MZT1: variants seen among roughly 807,000 people sequenced by gnomAD.
MZT1 encodes mitotic-spindle organizing protein 1.
A neutral mutation model predicts 8.5 loss-of-function variants in MZT1; 8 were observed. That is an observed-to-expected ratio of 0.94 (90% CI 0.55 to 1.70). MZT1 has a LOEUF of 1.70. Among genes scored for constraint, MZT1 ranks in the 40% most tolerant of loss-of-function variants. MZT1 has a pLI of 0.00. For synonymous variants in MZT1, 38 were observed against 42.0 expected, an observed-to-expected ratio of 0.90 and a Z score of 0.37; for missense variants, 93 against 108.6, an observed-to-expected ratio of 0.86 and a Z score of 0.64.
Position 72,708,622 on chromosome 13 carries a change from T to C in MZT1, c.*1700A>G, listed in dbSNP as rs1173761893. 1.3e-5 allele frequency: 2 copies of C among 152,402 alleles called. No individual in the cohort carries two copies. Among genetic ancestry groups the C allele is most frequent in the Non-Finnish European group, 1.5e-5 (1 of 68,014 alleles). 9.4% of individuals were successfully genotyped at this position (152,402 alleles called of 1,614,324 possible). On this transcript the variant is annotated 3_prime_UTR_variant, in exon 3 of 3. Transcript: ENST00000377818. ...TATCAACTCTTATGGCCTGGAAGTA[T>C]ATACAAATTTTGGAGTCTGACAAAA... is the stretch of plus-strand genomic sequence containing the variant.
intron 1 of MZT1, among the ~76,000 whole-genome samples, chr13:72,724,747 T>TAG (rs2032627275): frequency 1.4e-5 from 1 of 73,616 alleles, no homozygotes; most frequent in Non-Finnish European, 3.2e-5. Flanking sequence ...TATACACATA[T>TAG]ATATATGTAA....
chr13:72,724,752 A>ATATGTGTGTGTGTGTGTGTG (rs1180726488), intron 1 of MZT1, among the ~76,000 whole-genome samples: 1 of 56,856 alleles, frequency 1.8e-5, no homozygotes, highest in African/African-American at 5.0e-5. Context: ...ACATATATAT[A>ATATGTGTGTGTGTGTGTGTG]TGTAAAGTGG....
chr13:72,709,199 A>T lies in MZT1; in HGVS notation c.*1123T>A, dbSNP rs572315544. 1.8e-3 allele frequency: 275 copies of T among 152,070 alleles called. No individual in the cohort carries two copies. Among genetic ancestry groups the T allele is most frequent in the African/African-American group, 6.2e-3 (256 of 41,554 alleles). 9.4% of individuals were successfully genotyped at this position (152,070 alleles called of 1,614,324 possible). A position where few individuals can be genotyped will look rare whatever the true frequency, so the allele number is the denominator to read the frequency against. On this transcript the variant is annotated 3_prime_UTR_variant, in exon 3 of 3. Coordinates refer to ENST00000377818, the MANE Select transcript of MZT1 (RefSeq NM_001071775.3). ...CATCAAGATGTTAAAAAGGTTTTTT[A>T]AAAAAAGCCATACTTGAGATTCCTA...
intron 2 of MZT1, among the ~76,000 whole-genome samples, chr13:72,710,626 C>A (rs2032479874): frequency 6.6e-6 from 1 of 152,112 alleles, no homozygotes; most frequent in Non-Finnish European, 1.5e-5. Context: ...AAACATTAAC[C>A]TATGGCAGAC....
At chr13:72,719,184 C>G (rs2032570520) in intron 1 of MZT1, 87 bp from the exon 2 acceptor site, 1 of 1,027,642 alleles carries the variant, frequency 9.7e-7, no homozygotes, top group South Asian at 2.7e-5. Flanking sequence ...TTATATATCA[C>G]TGCACAATAC....
chr13:72,723,744 T>C (rs1405342631), intron 1 of MZT1, among the ~76,000 whole-genome samples: 2 of 152,250 alleles, frequency 1.3e-5, no homozygotes, highest in East Asian at 1.9e-4. Flanking sequence ...ATGCTACTGC[T>C]GCAAATACAG....
At chr13:72,720,582 C>A (rs1359183053) in intron 1 of MZT1, among the ~76,000 whole-genome samples, 1 of 152,122 alleles carries the variant, frequency 6.6e-6, no homozygotes, top group South Asian at 2.1e-4. Context: ...CAGATATTCA[C>A]TTTCATCCCT....
intron 2 of MZT1, among the ~76,000 whole-genome samples, chr13:72,718,252 G>A (rs1295858114): frequency 6.6e-6 from 1 of 151,978 alleles, no homozygotes; most frequent in Non-Finnish European, 1.5e-5. Context: ...CTCTTCTAAG[G>A]CCACCAATTA....
rs2032461691 is a variant in MZT1, at chr13:72,709,088, A to T, written c.*1234T>A. ...TCTACATTTTCTAAAATTTATTTCTAATCTTCACTTTGATGAGTTAAAATT... is the reference window on the plus strand; with the variant it reads ...TCTACATTTTCTAAAATTTATTTCTTATCTTCACTTTGATGAGTTAAAATT... On this transcript the variant is annotated 3_prime_UTR_variant, in exon 3 of 3. Transcript: ENST00000377818. The T allele has an allele frequency of 6.6e-6, 1 of 152,088 alleles. No homozygotes were observed. The highest frequency in any genetic ancestry group is 1.5e-5 in the Non-Finnish European group (1 of 67,946). The allele number at this position is 152,088 out of a possible 1,614,324, so 9.4% of individuals were successfully genotyped here. A position where few individuals can be genotyped will look rare whatever the true frequency, so the allele number is the denominator to read the frequency against.
intron 2 of MZT1, among the ~76,000 whole-genome samples, chr13:72,712,434 G>T (rs182656116): frequency 6.6e-6 from 1 of 152,194 alleles, no homozygotes; most frequent in Admixed American, 6.5e-5. Context: ...TATTACAGGC[G>T]TGAGCCAGCA....
Position 72,709,465 on chromosome 13 carries a change from G to T in MZT1, c.*857C>A, listed in dbSNP as rs2032465487. 6.6e-6 allele frequency: 1 copy of T among 151,908 alleles called. No individual in the cohort carries two copies. Among genetic ancestry groups the T allele is most frequent in the Non-Finnish European group, 1.5e-5 (1 of 67,902 alleles). The allele number at this position is 151,908 out of a possible 1,614,324, so 9.4% of individuals were successfully genotyped here. ...AGGTAAGCACTAAAATTACTTTTAT[G>T]TAATAAAAGTAAATAGGAATTTTGC... On this transcript the variant is annotated 3_prime_UTR_variant, in exon 3 of 3. Transcript: ENST00000377818.
At position 72,710,276 on chromosome 13, in the gene MZT1, C is replaced by A; in HGVS notation, c.*46G>T. On this transcript the variant is annotated 3_prime_UTR_variant, in exon 3 of 3. Transcript: ENST00000377818. ...TCTCAACTACAATGCAATCTTCAAA[C>A]CCTCTTGCAGAGCTTGACATATCTC... 1.2e-6 allele frequency: 2 copies of A among 1,602,118 alleles called. No individual in the cohort carries two copies. Among genetic ancestry groups the A allele is most frequent in the Non-Finnish European group, 1.7e-6 (2 of 1,170,314 alleles).
intron 2 of MZT1, among the ~76,000 whole-genome samples, chr13:72,711,515 G>A (rs1412404012): frequency 6.6e-6 from 1 of 151,908 alleles, no homozygotes; most frequent in Non-Finnish European, 1.5e-5. Flanking sequence ...AAAGAAAAAA[G>A]GAATGTCTCA....
At chr13:72,722,476 T>C (rs2032601011) in intron 1 of MZT1, among the ~76,000 whole-genome samples, 1 of 152,216 alleles carries the variant, frequency 6.6e-6, no homozygotes, top group Non-Finnish European at 1.5e-5. Context: ...ATGTTTTTCA[T>C]CTACCTTAGG....
intron 2 of MZT1, among the ~76,000 whole-genome samples, chr13:72,715,909 C>T (rs1014456730): frequency 4.0e-5 from 6 of 151,766 alleles, no homozygotes; most frequent in African/African-American, 7.3e-5. Flanking sequence ...ATCTGGTCTC[C>T]GGTTTTTTTG....
chr13:72,720,745 A>G (rs1354075686), intron 1 of MZT1, among the ~76,000 whole-genome samples: 1 of 152,234 alleles, frequency 6.6e-6, no homozygotes, highest in African/African-American at 2.4e-5. Context: ...AAAATTAGCC[A>G]GGCAAGGTGG....
chr13:72,724,721 TA>T (rs2032624863), intron 1 of MZT1, among the ~76,000 whole-genome samples: 1 of 26,974 alleles, frequency 3.7e-5, no homozygotes, highest in African/African-American at 5.4e-5. Flanking sequence ...TATATATACA[TA>T]TATATATATA....
intron 1 of MZT1, among the ~76,000 whole-genome samples, chr13:72,722,169 G>A (rs1014290094): frequency 2.6e-5 from 4 of 152,190 alleles, no homozygotes; most frequent in Non-Finnish European, 5.9e-5. Flanking sequence ...ACAGTGGTTA[G>A]GAGTGTGATC....
chr13:72,718,904 C>A, intron 2 of MZT1, 48 bp downstream of exon 2: 1 of 1,498,636 alleles, frequency 6.7e-7, no homozygotes. Context: ...AATCATTTTT[C>A]TAAATAAAAG....
Sources: allele counts gnomAD v4.1 joint callset (sites outside exome capture counted in the v4.1 genomes callset), GRCh38; gene constraint gnomAD v4.1.1; transcripts MANE v1.5; gene names NCBI Gene and HGNC (gene_info 2026-07-23, HGNC 2026-07-21).